Variants in FOXP1 observed in about 807,000 individuals in gnomAD.
FOXP1 encodes forkhead box protein P1.
Under a neutral mutation model 98.2 loss-of-function variants are expected in FOXP1, and 15 were observed. The ratio of observed to expected loss-of-function variants is 0.15; its 90% CI spans 0.10 to 0.24. The LOEUF is 0.24. Ranked by LOEUF, FOXP1 falls within the 10% of genes least tolerant of loss-of-function variation. The probability of loss-of-function intolerance (pLI) is 1.00; values close to 1 mark genes in which losing one functional copy is unlikely to be tolerated. For synonymous variants in FOXP1, 371 were observed against 314.5 expected, an observed-to-expected ratio of 1.18 and a Z score of -1.90; for missense variants, 633 against 848.5, an observed-to-expected ratio of 0.75 and a Z score of 3.15.
chr3:71,174,616 A>G (rs2061823004), intron 6 of FOXP1, among the ~76,000 whole-genome samples: 1 of 152,136 alleles, frequency 6.6e-6, no homozygotes, highest in African/African-American at 2.4e-5. Flanking sequence ...TGAATACATC[A>G]GGGGTATCCA....
intron 6 of FOXP1, among the ~76,000 whole-genome samples, chr3:71,188,638 G>C (rs1000165886): frequency 6.6e-6 from 1 of 152,020 alleles, no homozygotes; most frequent in Non-Finnish European, 1.5e-5. Flanking sequence ...GGCTGGTCTC[G>C]AACTCCTGAC....
chr3:71,283,779 G>T (rs936528376), intron 5 of FOXP1, among the ~76,000 whole-genome samples: 2 of 151,916 alleles, frequency 1.3e-5, no homozygotes, highest in African/African-American at 2.4e-5. Flanking sequence ...TAAAATTATT[G>T]AATGCTTACT....
chr3:71,240,805 A>G (rs1434502353), intron 5 of FOXP1, among the ~76,000 whole-genome samples: 7 of 151,174 alleles, frequency 4.6e-5, no homozygotes, highest in Admixed American at 4.6e-4. Flanking sequence ...CTGGCCTCCC[A>G]AAGTACTGGG....
chr3:71,491,509 A>G (rs2091056456), intron 3 of FOXP1, among the ~76,000 whole-genome samples: 3 of 152,076 alleles, frequency 2.0e-5, no homozygotes, highest in African/African-American at 7.2e-5. Flanking sequence ...TCCATTAACC[A>G]TTTCTTTTCA....
At chr3:71,010,264 G>C (rs1329038886) in intron 12 of FOXP1, among the ~76,000 whole-genome samples, 1 of 152,054 alleles carries the variant, frequency 6.6e-6, no homozygotes, top group Non-Finnish European at 1.5e-5. Context: ...CCTCTAACCA[G>C]GCTGTATAAT....
chr3:71,229,754 C>T (rs2066135507), intron 5 of FOXP1, among the ~76,000 whole-genome samples: 1 of 152,028 alleles, frequency 6.6e-6, no homozygotes, highest in Non-Finnish European at 1.5e-5. Context: ...AAATAAACGC[C>T]GGAAGTTGGA....
chr3:71,059,494 A>T (rs2051171274), intron 7 of FOXP1, among the ~76,000 whole-genome samples: 1 of 152,176 alleles, frequency 6.6e-6, no homozygotes, highest in Admixed American at 6.5e-5. Context: ...TACATAAATT[A>T]AATCGCTTCT....
chr3:71,191,341 A>G (rs997865777), intron 6 of FOXP1, among the ~76,000 whole-genome samples: 1 of 152,192 alleles, frequency 6.6e-6, no homozygotes, highest in African/African-American at 2.4e-5. Flanking sequence ...AGTAGACAAG[A>G]GATAGGGCGT....
intron 7 of FOXP1, among the ~76,000 whole-genome samples, chr3:71,099,023 A>G (rs1301679309): frequency 2.0e-5 from 3 of 152,192 alleles, no homozygotes; most frequent in Non-Finnish European, 2.9e-5. Context: ...TAACAACACC[A>G]TGGGATAAAT....
rs180987197 is a variant in FOXP1, at chr3:71,016,909, G to A, written c.870-1256C>T. On this transcript the variant is annotated intron_variant, in intron 11 of 20. Coordinates refer to ENST00000649528, the MANE Select transcript of FOXP1 (RefSeq NM_001349338.3). ...ACTACACCTGATCAAAGATCATTAC[G>A]TCTCCCTATGACTTCTGAATAATTT... 8.6e-5 allele frequency among the ~76,000 whole-genome samples: 13 copies of A among 151,818 alleles called. No individual in the cohort carries two copies. In the East Asian group the frequency reaches 1.9e-3, roughly 23 times the overall value.
intron 6 of FOXP1, among the ~76,000 whole-genome samples, chr3:71,196,504 T>C (rs2063311386): frequency 6.6e-6 from 1 of 152,250 alleles, no homozygotes; most frequent in African/African-American, 2.4e-5. Context: ...ATGTAATTAA[T>C]GTACTCTAAA....
chr3:71,365,262 G>C (rs1394951587), intron 3 of FOXP1, among the ~76,000 whole-genome samples: 4 of 152,090 alleles, frequency 2.6e-5, no homozygotes, highest in South Asian at 2.1e-4. Flanking sequence ...TGATGGTAAG[G>C]GTAGTTGCCT....
chr3:71,028,318 A>G lies in FOXP1; in HGVS notation c.870-12665T>C, dbSNP rs185679916. Among the ~76,000 whole-genome samples the G allele has an allele frequency of 5.3e-5, 8 of 152,298 alleles. No homozygotes were observed. The East Asian group carries it at 1.5e-3, about 29-fold the overall frequency. On this transcript the variant is annotated intron_variant, in intron 11 of 20. Coordinates refer to ENST00000649528, the MANE Select transcript of FOXP1 (RefSeq NM_001349338.3). ...CGGTAGAATGCCACACCATAAGGAT[A>G]CCAGGTGGGGACGTTGTAAGGCAGT... is the stretch of plus-strand genomic sequence containing the variant.
At chr3:71,411,706 G>C (rs559762549) in intron 3 of FOXP1, among the ~76,000 whole-genome samples, 45 of 152,328 alleles carry the variant, frequency 3.0e-4, no homozygotes, top group African/African-American at 1.1e-3. Context: ...CCCATCAAGA[G>C]CGGTCTCAGT....
At chr3:71,318,929 A>C (rs1388485309) in intron 4 of FOXP1, among the ~76,000 whole-genome samples, 1 of 152,242 alleles carries the variant, frequency 6.6e-6, no homozygotes, top group Non-Finnish European at 1.5e-5. Flanking sequence ...ACTGAGCGTA[A>C]AGATGTGTTC....
In FOXP1 at chr3:71,499,046, C is replaced by T. The variant is rs114465121; in HGVS notation, c.-297-5491G>A. 9.0e-3 allele frequency among the ~76,000 whole-genome samples: 1,364 copies of T among 152,268 alleles called. 21 individuals carry two copies. The highest frequency in any genetic ancestry group is 0.03 in the African/African-American group (1,265 of 41,530). ...AGAACAAAATGCATTGGATGGTTTC[C>T]ATCTGCTTCTCCAGAGGCTCCACTC... On this transcript the variant is annotated intron_variant, in intron 2 of 20. Coordinates refer to ENST00000649528, the MANE Select transcript of FOXP1 (RefSeq NM_001349338.3).
chr3:71,139,197 C>T (rs1222291409), intron 6 of FOXP1, among the ~76,000 whole-genome samples: 4 of 152,084 alleles, frequency 2.6e-5, no homozygotes, highest in Non-Finnish European at 4.4e-5. Flanking sequence ...TAAGCTTTCC[C>T]GGGCTAATTG....
intron 1 of FOXP1, chr3:71,582,856 G>A: frequency 1.0e-6 from 1 of 960,714 alleles, no homozygotes; most frequent in Non-Finnish European, 1.2e-6. Context: ...TGACTCTCGG[G>A]GTAACGCGCG....
chr3:71,047,243 C>G, intron 9 of FOXP1, 148 bp from the exon 10 acceptor site: 2 of 871,292 alleles, frequency 2.3e-6, no homozygotes, highest in Non-Finnish European at 1.9e-6. Flanking sequence ...TTAAAAGGGA[C>G]AAAGCATACC....
Sources: allele counts gnomAD v4.1 joint callset (sites outside exome capture counted in the v4.1 genomes callset), GRCh38; gene constraint gnomAD v4.1.1; transcripts MANE v1.5; gene names NCBI Gene and HGNC (gene_info 2026-07-23, HGNC 2026-07-21).